Variants in VTCN1 observed in about 807,000 individuals in gnomAD.
VTCN1 encodes V-set domain containing T cell activation inhibitor 1, also known as V-set domain-containing T-cell activation inhibitor 1.
A neutral mutation model predicts 26.5 loss-of-function variants in VTCN1; 26 were observed. The observed-to-expected ratio is 0.98, with a 90% confidence interval of 0.72 to 1.36. The LOEUF (loss-of-function observed/expected upper bound fraction) is 1.36. Ranked by LOEUF, VTCN1 falls within the 40% of genes most tolerant of loss-of-function variation. The pLI is 0.00. For missense variants in VTCN1, 298 were observed against 337.7 expected, an observed-to-expected ratio of 0.88 and a Z score of 0.92; for synonymous variants, 116 against 130.7, an observed-to-expected ratio of 0.89 and a Z score of 0.77.
intron 2 of VTCN1, among the ~76,000 whole-genome samples, chr1:117,165,928 T>G (rs1019672372): frequency 1.3e-5 from 2 of 152,344 alleles, no homozygotes; most frequent in Non-Finnish European, 2.9e-5. Flanking sequence ...ATAGAGGCAA[T>G]TGAAAAAATC....
At chr1:117,197,162 G>A (rs1287955422) in intron 1 of VTCN1, among the ~76,000 whole-genome samples, 1 of 152,204 alleles carries the variant, frequency 6.6e-6, no homozygotes, top group Non-Finnish European at 1.5e-5. Context: ...GTTGGGGTCA[G>A]TATTAGTGAA....
chr1:117,156,918 C>A lies in VTCN1; in HGVS notation c.101G>T (p.Arg34Ile). Reference sequence around the variant, plus strand: ...GACAGTAGTGACTGTGATGGAGTGTCTCCCTGCAGTTCAGGAAGCAAAGAT... The same window carrying A: ...GACAGTAGTGACTGTGATGGAGTGTATCCCTGCAGTTCAGGAAGCAAAGAT... ...ALIIGFGISG[R>I]HSITVTTVAS... The change falls in exon 3 of 6, where the codon AGA becomes ATA. Residue 34 changes from arginine to isoleucine, a missense_variant. Transcript: ENST00000369458. The A allele has an allele frequency of 2.5e-6, 4 of 1,614,016 alleles. No homozygotes were observed. The highest frequency in any genetic ancestry group is 3.4e-6 in the Non-Finnish European group (4 of 1,179,996).
rs967842233 is a variant in VTCN1, at chr1:117,175,123, G to A, written c.33-4952C>T. 2.6e-5 allele frequency among the ~76,000 whole-genome samples: 4 copies of A among 152,120 alleles called. No homozygotes were observed. Among genetic ancestry groups the A allele is most frequent in the Admixed American group, 2.0e-4 (3 of 15,270 alleles). On this transcript the variant is annotated intron_variant, in intron 1 of 5. Coordinates refer to ENST00000369458, the MANE Select transcript of VTCN1 (RefSeq NM_024626.4). This position sits in a 1 kb window ranked among gnomAD's most constrained non-coding sequence, Gnocchi z 4.2. ...CTTCTGCAGCATGTGAAAGAAATTG[G>A]GCCTTTGTTAAAACATATGCACATT...
intron 1 of VTCN1, among the ~76,000 whole-genome samples, chr1:117,205,360 A>G (rs6680717): frequency 0.87 from 132,202 of 151,906 alleles, 59,135 homozygotes; most frequent in Non-Finnish European, 0.97. Flanking sequence ...TCACCATGTT[A>G]CCCAGGCTTG....
Position 117,157,674 on chromosome 1 carries a change from C to T in VTCN1, c.98-753G>A, listed in dbSNP as rs150771144. ...AACCATATCATTCCATCCCTGGCCCCTCCAAATCTCACGTTCTCACATTTC... is the reference window on the plus strand; with the variant it reads ...AACCATATCATTCCATCCCTGGCCCTTCCAAATCTCACGTTCTCACATTTC... On this transcript the variant is annotated intron_variant, in intron 2 of 5. Transcript: ENST00000369458. 4.4e-4 allele frequency among the ~76,000 whole-genome samples: 67 copies of T among 152,250 alleles called. 1 individual carries two copies. In the East Asian group the frequency reaches 0.013, roughly 29 times the overall value.
chr1:117,196,024 C>T (rs1236076250), intron 1 of VTCN1, among the ~76,000 whole-genome samples: 1 of 152,096 alleles, frequency 6.6e-6, no homozygotes, highest in Non-Finnish European at 1.5e-5. Context: ...TATTGGCATG[C>T]ACCCATAGTC....
rs148485979 is a variant in VTCN1, at chr1:117,162,053, G to C, written c.98-5132C>G. On this transcript the variant is annotated intron_variant, in intron 2 of 5. Transcript: ENST00000369458. ...CAGAGAAGTTAATGATTAAAAGTAG[G>C]CAGCTGTGGAATGCCCTAGGGACCT... Among the ~76,000 whole-genome samples the C allele has an allele frequency of 2.6e-5, 4 of 152,254 alleles. No homozygotes were observed. In the East Asian group the frequency reaches 7.7e-4, roughly 29 times the overall value.
chr1:117,162,250 C>T (rs1410456995), intron 2 of VTCN1, among the ~76,000 whole-genome samples: 1 of 152,062 alleles, frequency 6.6e-6, no homozygotes, highest in East Asian at 1.9e-4. Context: ...AGAAAGCAGT[C>T]AATAAAATAC....
At chr1:117,148,673 C>CA (rs1651639738) in intron 4 of VTCN1, among the ~76,000 whole-genome samples, 1 of 152,098 alleles carries the variant, frequency 6.6e-6, no homozygotes, top group South Asian at 2.1e-4. Flanking sequence ...TATTGGGGTT[C>CA]AAAGAAGTCC....
intron 2 of VTCN1, among the ~76,000 whole-genome samples, chr1:117,168,630 A>G (rs1190723718): frequency 3.9e-5 from 6 of 152,212 alleles, no homozygotes; most frequent in Admixed American, 3.9e-4. Context: ...TGTAGAGTAG[A>G]AGAGATTTGG....
intron 1 of VTCN1, among the ~76,000 whole-genome samples, chr1:117,201,393 G>T (rs1291463058): frequency 6.6e-6 from 1 of 152,148 alleles, no homozygotes; most frequent in Non-Finnish European, 1.5e-5. Context: ...GACCAGAAAG[G>T]CACAGTAACT....
chr1:117,197,924 G>C (rs773825981), intron 1 of VTCN1, among the ~76,000 whole-genome samples: 1 of 152,132 alleles, frequency 6.6e-6, no homozygotes, highest in Non-Finnish European at 1.5e-5. Flanking sequence ...TCCATCATGA[G>C]AAAGCAAAAG....
At chr1:117,205,087 G>A (rs1557880443) in intron 1 of VTCN1, among the ~76,000 whole-genome samples, 8 of 9,416 alleles carry the variant, frequency 8.5e-4, no homozygotes, top group Non-Finnish European at 6.4e-3. Context: ...ACATGTATAT[G>A]TATGTATGTA....
At chr1:117,210,724 G>A (rs1649308036) in intron 1 of VTCN1, 100 bp downstream of exon 1, 2 of 1,273,446 alleles carry the variant, frequency 1.6e-6, no homozygotes, top group Non-Finnish European at 2.3e-6. Flanking sequence ...TAAAATTACA[G>A]GTGGGGTCCT....
At chr1:117,205,155 T>TATAA (rs1557880538) in intron 1 of VTCN1, among the ~76,000 whole-genome samples, 1 of 107,916 alleles carries the variant, frequency 9.3e-6, no homozygotes, top group Non-Finnish European at 2.2e-5. Flanking sequence ...TATATATATA[T>TATAA]ATAGAGAGAG....
chr1:117,195,615 G>A (rs1648469779), intron 1 of VTCN1, among the ~76,000 whole-genome samples: 1 of 152,070 alleles, frequency 6.6e-6, no homozygotes, highest in Admixed American at 6.5e-5. Flanking sequence ...ATGTTGGCAG[G>A]GTTAGTGCTG....
chr1:117,147,902 T>A lies in VTCN1; in HGVS notation c.725-120A>T. On this transcript the variant is annotated intron_variant, in intron 4 of 5. Coordinates refer to ENST00000369458, the MANE Select transcript of VTCN1 (RefSeq NM_024626.4). The surrounding 1 kb of genome is among the most constrained non-coding windows in gnomAD (Gnocchi z 4.6). ...AACAAGTTGTTCCTAATTCAGGCAA[T>A]TTTTTACCCCTTTGCCCACCTCTCC... 1 of 1,354,304 alleles carries A rather than the reference T, an allele frequency of 7.4e-7. No homozygotes were observed. The highest frequency in any genetic ancestry group is 1.0e-6 in the Non-Finnish European group (1 of 1,002,638). 83.9% of individuals were successfully genotyped at this position (1,354,304 alleles called of 1,614,324 possible). A position where few individuals can be genotyped will look rare whatever the true frequency, so the allele number is the denominator to read the frequency against.
At chr1:117,188,012 A>G (rs1378911938) in intron 1 of VTCN1, among the ~76,000 whole-genome samples, 4 of 152,200 alleles carry the variant, frequency 2.6e-5, no homozygotes, top group Non-Finnish European at 5.9e-5. Flanking sequence ...GGCCCAGGGT[A>G]GGAAAAGATT....
intron 1 of VTCN1, among the ~76,000 whole-genome samples, chr1:117,171,421 A>G (rs1276108486): frequency 1.3e-5 from 2 of 152,214 alleles, no homozygotes; most frequent in Admixed American, 1.3e-4. Flanking sequence ...TCCTTAAGGA[A>G]TCACCACACT....
Sources: gnomAD v4.1 joint callset for allele counts (sites outside exome capture counted in the v4.1 genomes callset) on GRCh38, gnomAD v4.1.1 for gene constraint, Gnocchi (gnomAD v3.1) non-coding constraint, MANE v1.5 for transcripts, NCBI Gene and HGNC (gene_info 2026-07-23, HGNC 2026-07-21) for gene names.